TUBB8B: variants seen among roughly 807,000 people sequenced by gnomAD.
The protein encoded by TUBB8B is tubulin beta 8B, also known as HSA18p11 beta-tubulin 4Q pseudogene.
TUBB8B carries 26 observed loss-of-function variants against 31.9 expected under a neutral mutation model. The ratio of observed to expected loss-of-function variants is 0.81; its 90% CI spans 0.60 to 1.13. The LOEUF is 1.13. Ranked by LOEUF, TUBB8B falls within the 50% of genes most tolerant of loss-of-function variation. TUBB8B has a pLI of 0.00. For missense variants in TUBB8B, 467 were observed against 586.7 expected (o/e 0.80, Z 2.11); for synonymous variants, 173 against 231.0 (o/e 0.75, Z 2.28).
At chr18:56,927 G>A in the TUBB8B span, among the ~76,000 whole-genome samples, 1 of 151,856 alleles carries the variant, frequency 6.6e-6, no homozygotes, top group African/African-American at 2.4e-5. Context: ...GGGCAGGGGG[G>A]AAGTGCTACA....
upstream of TUBB8B, chr18:50,110 G>C (rs1308950993): frequency 5.6e-6 from 2 of 355,864 alleles, no homozygotes; most frequent in African/African-American, 4.3e-5. Context: ...GATTTAGCTG[G>C]AGTCTTCTGT....
the TUBB8B span, among the ~76,000 whole-genome samples, chr18:62,766 C>G: frequency 6.6e-6 from 1 of 151,902 alleles, no homozygotes; most frequent in East Asian, 1.9e-4. Flanking sequence ...CTCTTTAAGG[C>G]CAATAACTCT....
upstream of TUBB8B, among the ~76,000 whole-genome samples, chr18:52,659 C>A (rs185927914): frequency 0.012 from 1,777 of 151,844 alleles, 36 homozygotes; most frequent in African/African-American, 0.04. Context: ...TCTTGGTGTC[C>A]CTTCATGGCA....
At chr18:54,917 G>T in the TUBB8B span, among the ~76,000 whole-genome samples, 2 of 152,084 alleles carry the variant, frequency 1.3e-5, no homozygotes, top group East Asian at 3.9e-4. Flanking sequence ...ATGATGATCA[G>T]TAATGTGGAG....
chr18:68,681 C>T, the TUBB8B span, among the ~76,000 whole-genome samples: 4 of 152,138 alleles, frequency 2.6e-5, no homozygotes, highest in African/African-American at 9.7e-5. Flanking sequence ...ATTTTCAAAC[C>T]CAAGGTTCAC....
the TUBB8B span, among the ~76,000 whole-genome samples, chr18:63,364 G>C: frequency 6.6e-6 from 1 of 151,674 alleles, no homozygotes; most frequent in African/African-American, 2.4e-5. Flanking sequence ...TGGTGGCCTT[G>C]GATTAACATT....
At position 47,934 on chromosome 18, in the gene TUBB8B, T is replaced by C; in HGVS notation, c.791A>G (p.His264Arg). The C allele has an allele frequency of 6.2e-7, 1 of 1,611,612 alleles. No homozygotes were observed. The highest frequency in any genetic ancestry group is 8.5e-7 in the Non-Finnish European group (1 of 1,179,924). The change falls in exon 4 of 4, where the codon CAT becomes CGT. Residue 264 changes from histidine to arginine, a missense_variant. By Grantham distance (29) the His-to-Arg change is conservative (BLOSUM62 0). Coordinates refer to ENST00000308911, the MANE Select transcript of TUBB8B (RefSeq NM_001358689.2). ...AVNMVPFPRL[H>R]FFMPGFAPLT... is the part of the protein sequence containing the mutation. ...TGGGGCAAAGCCGGGCATGAAGAAA[T>C]GCAGCCGGGGAAACGGGACCATGTT...
rs762398397 is a variant in TUBB8B at position 47,618 on chromosome 18, C to A, written c.1107G>T (p.Gly369=). 11 of 1,612,596 alleles carry A rather than the reference C, an allele frequency of 6.8e-6. No individual in the cohort carries two copies. Among genetic ancestry groups the A allele is most frequent in the Middle Eastern group, 1.8e-4 (1 of 5,564 alleles). ...AGAGTTCCTGGATGGCCGCATTATT[C>A]CCAATGAAGGTGGCTGACATTTTTA... is the stretch of plus-strand genomic sequence containing the variant. The part of the protein sequence containing the change: ...RGLKMSATFI[G]NNAAIQELFT... Residue 369 remains glycine (G), a synonymous_variant, in exon 4 of 4, where the codon GGG becomes GGT. Transcript: ENST00000308911.
chr18:51,399 C>T (rs1357070724), upstream of TUBB8B, among the ~76,000 whole-genome samples: 6 of 150,824 alleles, frequency 4.0e-5, no homozygotes, highest in South Asian at 1.1e-3. Context: ...TCCCATGCTG[C>T]TCTCGTGACA....
the TUBB8B span, among the ~76,000 whole-genome samples, chr18:70,299 T>C: frequency 2.6e-5 from 4 of 152,186 alleles, no homozygotes; most frequent in African/African-American, 4.8e-5. Flanking sequence ...CTGATTACCA[T>C]AGAAAAGCTT....
At chr18:64,657 G>A in the TUBB8B span, among the ~76,000 whole-genome samples, 28 of 152,036 alleles carry the variant, frequency 1.8e-4, no homozygotes, top group African/African-American at 3.9e-4. Flanking sequence ...CCCGGGAGTC[G>A]GAGGTTGCTA....
chr18:48,930 C>A lies in TUBB8B; in HGVS notation c.277+10G>T. The A allele has an allele frequency of 1.9e-6, 3 of 1,548,828 alleles. No homozygotes were observed. Among genetic ancestry groups the A allele is most frequent in the Non-Finnish European group, 1.8e-6 (2 of 1,121,588 alleles). Reference sequence around the variant, plus strand: ...AAGGAGCCGCACCCCAGTCCTCGCCCGCAGCTCACCGGAAATGAAGTTGTC... The same window carrying A: ...AAGGAGCCGCACCCCAGTCCTCGCCAGCAGCTCACCGGAAATGAAGTTGTC... On this transcript the variant is annotated intron_variant, in intron 3 of 3. Transcript: ENST00000308911.
At chr18:62,522 C>T in the TUBB8B span, among the ~76,000 whole-genome samples, 1 of 151,164 alleles carries the variant, frequency 6.6e-6, no homozygotes, top group Non-Finnish European at 1.5e-5. Context: ...GGGTTCACGC[C>T]ATTCTCCTGC....
the TUBB8B span, among the ~76,000 whole-genome samples, chr18:57,881 C>T: frequency 6.6e-6 from 1 of 151,958 alleles, no homozygotes; most frequent in Non-Finnish European, 1.5e-5. Flanking sequence ...ACAGGCCTAA[C>T]ACCATATGAA....
At chr18:68,384 G>A in the TUBB8B span, among the ~76,000 whole-genome samples, 1 of 152,180 alleles carries the variant, frequency 6.6e-6, no homozygotes, top group African/African-American at 2.4e-5. Flanking sequence ...CCAATCCACA[G>A]ACCCATTTCA....
At chr18:59,528 T>C in the TUBB8B span, among the ~76,000 whole-genome samples, 1 of 150,178 alleles carries the variant, frequency 6.7e-6, no homozygotes, top group Non-Finnish European at 1.5e-5. Flanking sequence ...AATGATTATA[T>C]GGATTTTGTC....
upstream of TUBB8B, among the ~76,000 whole-genome samples, chr18:52,977 C>T (rs1341499348): frequency 6.6e-6 from 1 of 151,732 alleles, no homozygotes; most frequent in Non-Finnish European, 1.5e-5. Flanking sequence ...TTGACCTAAG[C>T]TAGCTCATTA....
At chr18:65,872 G>A in the TUBB8B span, among the ~76,000 whole-genome samples, 1 of 151,996 alleles carries the variant, frequency 6.6e-6, no homozygotes, top group African/African-American at 2.4e-5. Flanking sequence ...ACAAAATGTC[G>A]ATACACAGTA....
upstream of TUBB8B, among the ~76,000 whole-genome samples, chr18:54,246 AATTAAT>A (rs1272571344): frequency 6.6e-6 from 1 of 150,736 alleles, no homozygotes; most frequent in Admixed American, 6.6e-5. Context: ...TGTAATTTTT[AATTAAT>A]TTTTATGGGT....
Sources: gnomAD v4.1 joint callset for allele counts (sites outside exome capture counted in the v4.1 genomes callset) on GRCh38, gnomAD v4.1.1 for gene constraint, MANE v1.5 for transcripts, NCBI Gene and HGNC (gene_info 2026-07-23, HGNC 2026-07-21) for gene names.